Variants in PRKCQ observed in about 807,000 individuals in gnomAD.
The protein encoded by PRKCQ is protein kinase C theta type.
Under a neutral mutation model 91.2 loss-of-function variants are expected in PRKCQ, and 41 were observed. The observed-to-expected ratio is 0.45, with a 90% CI of 0.35 to 0.58. PRKCQ has a LOEUF of 0.58. PRKCQ is among the 20% of genes least tolerant of loss of function. The pLI, the probability that PRKCQ is intolerant of heterozygous loss-of-function variation, is 0.00. For missense variants in PRKCQ, 673 were observed against 896.5 expected (o/e 0.75, Z 3.18); for synonymous variants, 307 against 316.9 (o/e 0.97, Z 0.33).
At chr10:6,425,225 ATTTTTT>A (rs34277466), downstream of PRKCQ, among the ~76,000 whole-genome samples, 4 of 137,702 alleles carry the variant, frequency 2.9e-5, no homozygotes, top group South Asian at 2.3e-4. Context: ...TCTCTCCTCT[ATTTTTT>A]TTTTTTTTTT....
intron 1 of PRKCQ, among the ~76,000 whole-genome samples, chr10:6,523,442 C>T (rs1311662705): frequency 1.3e-5 from 2 of 151,914 alleles, no homozygotes; most frequent in African/African-American, 2.4e-5. Flanking sequence ...CAAAGCAAGA[C>T]CCTTTTCAAA....
At chr10:6,559,742 C>A (rs528869553) in intron 1 of PRKCQ, among the ~76,000 whole-genome samples, 42 of 152,284 alleles carry the variant, frequency 2.8e-4, no homozygotes, top group African/African-American at 7.9e-4. Context: ...AAAAAGGAAA[C>A]ATTTAATAAT....
chr10:6,542,805 A>T (rs1316802155), intron 1 of PRKCQ, among the ~76,000 whole-genome samples: 1 of 152,238 alleles, frequency 6.6e-6, no homozygotes, highest in Non-Finnish European at 1.5e-5. Context: ...AGGTGATAAA[A>T]GCTACCTACA....
intron 10 of PRKCQ, 90 bp from the exon 11 acceptor site, chr10:6,483,690 C>A: frequency 6.9e-7 from 1 of 1,442,932 alleles, no homozygotes; most frequent in South Asian, 1.3e-5. Context: ...TTCTACTTCC[C>A]ATGCTGAGGC....
chr10:6,487,238 C>A (rs1403820970), intron 8 of PRKCQ, among the ~76,000 whole-genome samples: 1 of 152,150 alleles, frequency 6.6e-6, no homozygotes, highest in Non-Finnish European at 1.5e-5. Flanking sequence ...ATATTTCTTG[C>A]ACGCATGAAC....
At chr10:6,404,407 C>A in the PRKCQ span, among the ~76,000 whole-genome samples, 1 of 150,688 alleles carries the variant, frequency 6.6e-6, no homozygotes, top group African/African-American at 2.4e-5. Flanking sequence ...TTCTTTCCTT[C>A]TTTCTTTCTT....
At chr10:6,461,241 T>C (rs1835334118) in intron 14 of PRKCQ, among the ~76,000 whole-genome samples, 2 of 151,810 alleles carry the variant, frequency 1.3e-5, no homozygotes, top group South Asian at 4.2e-4. Context: ...AAATATCTGT[T>C]CATCCATTCA....
chr10:6,434,030 TAA>T (rs779037464), intron 16 of PRKCQ, among the ~76,000 whole-genome samples: 5 of 115,652 alleles, frequency 4.3e-5, no homozygotes, highest in African/African-American at 3.5e-5. Flanking sequence ...CAAGACTCCT[TAA>T]AAAAAAAAAA....
chr10:6,563,687 C>T (rs1840719721), intron 1 of PRKCQ, among the ~76,000 whole-genome samples: 1 of 152,118 alleles, frequency 6.6e-6, no homozygotes, highest in African/African-American at 2.4e-5. Context: ...TGGTCTTTTC[C>T]CTCCGACACT....
intron 16 of PRKCQ, among the ~76,000 whole-genome samples, chr10:6,431,156 T>C (rs1419526028): frequency 2.0e-5 from 3 of 152,208 alleles, no homozygotes; most frequent in South Asian, 2.1e-4. Context: ...CTGAGGTGCA[T>C]AGACCTGATT....
chr10:6,419,652 C>T, the PRKCQ span, among the ~76,000 whole-genome samples: 2 of 151,052 alleles, frequency 1.3e-5, no homozygotes, highest in African/African-American at 2.4e-5. Context: ...TGTGTATCAC[C>T]CACTCTCAAA....
rs777011483 is a variant in PRKCQ, at chr10:6,485,201, G to A, written c.969C>T (p.Ser323=). 3.1e-6 allele frequency: 5 copies of A among 1,613,876 alleles called. No individual in the cohort carries two copies. Among genetic ancestry groups the A allele is most frequent in the Non-Finnish European group, 4.2e-6 (5 of 1,179,988 alleles). Residue 323 remains serine (S), a synonymous_variant, in exon 10 of 18, where the codon TCC becomes TCT. Coordinates refer to ENST00000263125, the MANE Select transcript of PRKCQ (RefSeq NM_006257.5). ...ATGGCGGCCTTGCTTCATTTTTGAT[G>A]GAGCATGGGAGACCAATTTCAACCG... ...EGPVEIGLPC[S]IKNEARPPCL...
At chr10:6,416,641 C>G in the PRKCQ span, among the ~76,000 whole-genome samples, 1 of 152,164 alleles carries the variant, frequency 6.6e-6, no homozygotes, top group Non-Finnish European at 1.5e-5. Flanking sequence ...GGTTTCATAT[C>G]TTTGCAGTTG....
At chr10:6,489,910 C>T (rs561485486) in intron 8 of PRKCQ, among the ~76,000 whole-genome samples, 1 of 152,162 alleles carries the variant, frequency 6.6e-6, no homozygotes, top group East Asian at 1.9e-4. Flanking sequence ...GCTGCTGGGA[C>T]CAGCTCTTCT....
At chr10:6,475,437 G>A (rs985319195) in intron 12 of PRKCQ, among the ~76,000 whole-genome samples, 3 of 152,154 alleles carry the variant, frequency 2.0e-5, no homozygotes, top group Admixed American at 6.5e-5. Context: ...TTCCATAGGT[G>A]ATATATCCCT....
intron 1 of PRKCQ, among the ~76,000 whole-genome samples, chr10:6,555,146 C>A (rs1389129295): frequency 6.6e-6 from 1 of 151,418 alleles, no homozygotes; most frequent in Non-Finnish European, 1.5e-5. Flanking sequence ...GGGGGGGGGT[C>A]TAGGGTTGAA....
chr10:6,553,243 G>A (rs991891306), intron 1 of PRKCQ, among the ~76,000 whole-genome samples: 3 of 152,140 alleles, frequency 2.0e-5, no homozygotes, highest in African/African-American at 7.2e-5. Flanking sequence ...AGATTCCATC[G>A]GAATAGACAT....
intron 7 of PRKCQ, 126 bp downstream of exon 7, chr10:6,496,909 G>A (rs1169103762): frequency 1.2e-6 from 1 of 853,492 alleles, no homozygotes; most frequent in Non-Finnish European, 1.9e-6. Flanking sequence ...GAGTTTTGGG[G>A]AGATGGATGT....
At chr10:6,485,991 C>T (rs1277186374) in intron 9 of PRKCQ, 44 bp downstream of exon 9, 2 of 1,525,292 alleles carry the variant, frequency 1.3e-6, no homozygotes, top group Admixed American at 1.7e-5. Flanking sequence ...GACATCCTTG[C>T]TGAGCGGCCA....
Sources: allele counts gnomAD v4.1 joint callset (sites outside exome capture counted in the v4.1 genomes callset), GRCh38; gene constraint gnomAD v4.1.1; transcripts MANE v1.5; gene names NCBI Gene and HGNC (gene_info 2026-07-23, HGNC 2026-07-21).